Variants in GLIS3 observed in about 807,000 individuals in gnomAD.
GLIS3 encodes the protein GLIS family zinc finger 3, also known as zinc finger protein GLIS3.
A neutral mutation model predicts 78.6 loss-of-function variants in GLIS3; 53 were observed. That is an observed-to-expected ratio of 0.67 (90% CI 0.54 to 0.85). GLIS3 has a LOEUF of 0.85. GLIS3 is among the 40% of genes least tolerant of loss of function. GLIS3 has a pLI of 0.00. For missense variants in GLIS3, 1,703 were observed against 1,231.1 expected (o/e 1.38, Z -5.74); for synonymous variants, 684 against 509.9 (o/e 1.34, Z -4.60).
intron 9 of GLIS3, among the ~76,000 whole-genome samples, chr9:3,840,942 C>G (rs78282283): frequency 6.6e-6 from 1 of 152,156 alleles, no homozygotes; most frequent in African/African-American, 2.4e-5. Flanking sequence ...GACTTATATA[C>G]TCATTTCCAG....
chr9:4,020,765 C>T (rs1822821303), intron 4 of GLIS3, among the ~76,000 whole-genome samples: 1 of 152,194 alleles, frequency 6.6e-6, no homozygotes, highest in Admixed American at 6.5e-5. Context: ...TAGTGTCGAG[C>T]TGCAAGAACA....
intron 2 of GLIS3, among the ~76,000 whole-genome samples, chr9:4,270,304 A>G (rs1826386860): frequency 1.3e-5 from 2 of 152,190 alleles, no homozygotes; most frequent in South Asian, 4.2e-4. Flanking sequence ...CCCAGACAAT[A>G]ACTGTACTAA....
intron 6 of GLIS3, among the ~76,000 whole-genome samples, chr9:3,920,925 T>C (rs1459446371): frequency 1.3e-5 from 2 of 152,256 alleles, no homozygotes; most frequent in African/African-American, 4.8e-5. Context: ...TCCTTTTGAG[T>C]CTCCTTTTTC....
the GLIS3 span, among the ~76,000 whole-genome samples, chr9:4,389,058 C>G: frequency 1.3e-5 from 2 of 152,190 alleles, no homozygotes; most frequent in African/African-American, 2.4e-5. Context: ...GTGCCACAGC[C>G]TCCGTAAGCC....
At chr9:3,896,726 A>C (rs1196677826) in intron 7 of GLIS3, among the ~76,000 whole-genome samples, 1 of 150,816 alleles carries the variant, frequency 6.6e-6, no homozygotes, top group African/African-American at 2.4e-5. Flanking sequence ...TACCTGGAGA[A>C]GTAAAATTCT....
In GLIS3 at chr9:3,827,891, T is replaced by C; in HGVS notation, c.*381A>G. The C allele has an allele frequency of 3.2e-6, 1 of 313,632 alleles. No homozygotes were observed. Among genetic ancestry groups the C allele is most frequent in the Non-Finnish European group, 6.2e-6 (1 of 160,966 alleles). 19.4% of individuals were successfully genotyped at this position (313,632 alleles called of 1,614,324 possible). ...GTCACTATGCCTCTCGTAATTGAGG[T>C]CTTTTTCCCTGTTTGGAGTTTTCAG... is the stretch of plus-strand genomic sequence containing the variant. On this transcript the variant is annotated 3_prime_UTR_variant, in exon 11 of 11. Transcript: ENST00000381971.
chr9:3,930,418 G>T (rs1825539761), intron 6 of GLIS3, among the ~76,000 whole-genome samples: 1 of 152,174 alleles, frequency 6.6e-6, no homozygotes, highest in African/African-American at 2.4e-5. Flanking sequence ...GTTTGTTAAA[G>T]GGTGTCTGCA....
rs929211784 is a variant in GLIS3 at position 4,052,324 on chromosome 9, T to G, written c.1710+65444A>C. Among the ~76,000 whole-genome samples the G allele has an allele frequency of 4.6e-5, 7 of 152,350 alleles. No individual in the cohort carries two copies. In the East Asian group the frequency reaches 1.3e-3, roughly 29 times the overall value. On this transcript the variant is annotated intron_variant, in intron 4 of 10. Coordinates refer to ENST00000381971, the MANE Select transcript of GLIS3 (RefSeq NM_001042413.2). ...ACATCACAATTGGTTTAATTTTTTT[T>G]TGTGGTAAAATTCATGTTAACATTT...
At chr9:4,014,043 C>G (rs1056961393) in intron 4 of GLIS3, among the ~76,000 whole-genome samples, 2 of 152,156 alleles carry the variant, frequency 1.3e-5, no homozygotes, top group Non-Finnish European at 2.9e-5. Flanking sequence ...GAAAGGCAGA[C>G]AAATTGCAGA....
intron 2 of GLIS3, among the ~76,000 whole-genome samples, chr9:4,225,231 G>A (rs916183346): frequency 3.0e-4 from 45 of 152,128 alleles, no homozygotes; most frequent in African/African-American, 1.1e-3. Context: ...ACTGCAAAAG[G>A]TTGACTCTCA....
At chr9:4,213,927 CAAAA>C (rs56146504) in intron 2 of GLIS3, among the ~76,000 whole-genome samples, 3 of 138,218 alleles carry the variant, frequency 2.2e-5, no homozygotes, top group Non-Finnish European at 1.6e-5. Context: ...AACACAGAAG[CAAAA>C]AAAAAAAAAA....
intron 4 of GLIS3, among the ~76,000 whole-genome samples, chr9:3,989,685 C>G (rs486570): frequency 0.99 from 151,303 of 152,322 alleles, 75,149 homozygotes; most frequent in East Asian, 1. Context: ...AAAAAAATTA[C>G]TACTAGAGGA....
chr9:4,377,378 T>C, the GLIS3 span, among the ~76,000 whole-genome samples: 1 of 135,552 alleles, frequency 7.4e-6, no homozygotes, highest in Admixed American at 7.4e-5. Context: ...CTCCAGGTTC[T>C]TTGGCTTTTG....
chr9:4,065,962 C>T (rs187853141), intron 4 of GLIS3, among the ~76,000 whole-genome samples: 3 of 150,754 alleles, frequency 2.0e-5, no homozygotes, highest in Admixed American at 6.6e-5. Context: ...ATGAGACTTC[C>T]TGGTGAAAAG....
intron 2 of GLIS3, among the ~76,000 whole-genome samples, chr9:4,330,550 T>G (rs1363455895): frequency 6.6e-6 from 1 of 151,302 alleles, no homozygotes; most frequent in Non-Finnish European, 1.5e-5. Flanking sequence ...GAGGTGGAGA[T>G]GAAGGTTGAG....
the GLIS3 span, among the ~76,000 whole-genome samples, chr9:4,480,051 G>T: frequency 1.3e-5 from 2 of 151,544 alleles, no homozygotes; most frequent in Non-Finnish European, 2.9e-5. Context: ...CGTGAGCCAC[G>T]GCGCCTGGCC....
chr9:4,423,190 C>T, the GLIS3 span, among the ~76,000 whole-genome samples: 3 of 152,060 alleles, frequency 2.0e-5, no homozygotes, highest in African/African-American at 2.4e-5. Flanking sequence ...CAACAAGTGC[C>T]GATTATCAGA....
intron 1 of GLIS3, chr9:4,298,469 T>A: frequency 2.2e-6 from 1 of 448,940 alleles, no homozygotes; most frequent in Non-Finnish European, 4.5e-6. Context: ...CGAGGTGACT[T>A]GTCAGCTCCA....
intron 7 of GLIS3, among the ~76,000 whole-genome samples, chr9:3,885,545 G>C (rs1822020218): frequency 6.6e-6 from 1 of 152,206 alleles, no homozygotes; most frequent in Admixed American, 6.5e-5. Context: ...TTGGTGGCTG[G>C]AACATGGGAA....
Sources: allele counts gnomAD v4.1 joint callset (sites outside exome capture counted in the v4.1 genomes callset), GRCh38; gene constraint gnomAD v4.1.1; transcripts MANE v1.5; gene names NCBI Gene and HGNC (gene_info 2026-07-23, HGNC 2026-07-21).